The following TMEM233 variants were observed in gnomAD, a reference collection of about 807,000 sequenced individuals.
TMEM233 encodes transmembrane protein 233.
Under a neutral mutation model 11.2 loss-of-function variants are expected in TMEM233, and 6 were observed. The observed-to-expected ratio is 0.54, with a 90% confidence interval of 0.29 to 1.06. The LOEUF is 1.06. Among genes scored for constraint, TMEM233 ranks in the 50% least tolerant of loss-of-function variants. The probability of loss-of-function intolerance (pLI) is 0.08; values close to 1 mark genes in which losing one functional copy is unlikely to be tolerated. For missense variants in TMEM233, 127 were observed against 144.7 expected, an observed-to-expected ratio of 0.88 and a Z score of 0.63; for synonymous variants, 59 against 55.8, an observed-to-expected ratio of 1.06 and a Z score of -0.26.
At chr12:119,634,350 A>T (rs1469594500) in intron 2 of TMEM233, 3 of 845,428 alleles carry the variant, frequency 3.5e-6, no homozygotes, top group Non-Finnish European at 4.3e-6. Context: ...GGTGGCTCAC[A>T]CCTGTAATCC....
At chr12:119,624,817 A>C (rs952493827) in intron 1 of TMEM233, among the ~76,000 whole-genome samples, 2 of 152,210 alleles carry the variant, frequency 1.3e-5, no homozygotes, top group African/African-American at 4.8e-5. Context: ...TATACTTAAA[A>C]ATGATTAAAA....
intron 1 of TMEM233, among the ~76,000 whole-genome samples, chr12:119,615,790 G>T (rs938355644): frequency 6.6e-6 from 1 of 152,112 alleles, no homozygotes; most frequent in Non-Finnish European, 1.5e-5. Context: ...GGTGTGAAGT[G>T]TTATGAACTC....
Position 119,594,006 on chromosome 12 carries a change from A to G in TMEM233, c.158A>G (p.Asn53Ser), listed in dbSNP as rs1431738926. The change falls in exon 1 of 3, where the codon AAC (asparagine) becomes AGC (serine). Residue 53 changes from asparagine (N) to serine (S), a missense_variant. By Grantham distance (46) the Asn-to-Ser change is conservative. Transcript: ENST00000426426. This position sits in a 1 kb window ranked among gnomAD's most constrained non-coding sequence, Gnocchi z 5.6. ...TGTTTTTGCCCTGCGTACCCCATCAACATCGTGGCTTTGGTCTTTTCCATC... is the reference window on the plus strand; with the variant it reads ...TGTTTTTGCCCTGCGTACCCCATCAGCATCGTGGCTTTGGTCTTTTCCATC... ...VSCFCPAYPI[N>S]IVALVFSIMS... 1 of 1,551,586 alleles carries G rather than the reference A, an allele frequency of 6.4e-7. No individual in the cohort carries two copies.
At chr12:119,620,883 A>AT (rs756276215) in intron 1 of TMEM233, among the ~76,000 whole-genome samples, 1 of 152,018 alleles carries the variant, frequency 6.6e-6, no homozygotes, top group Non-Finnish European at 1.5e-5. Flanking sequence ...GTATTTTTAT[A>AT]TTTTTTATTT....
chr12:119,598,835 C>G (rs1593273958), intron 1 of TMEM233, among the ~76,000 whole-genome samples: 1 of 152,110 alleles, frequency 6.6e-6, no homozygotes, highest in African/African-American at 2.4e-5. Flanking sequence ...AGTATTTACC[C>G]AAGTGCAATT....
intron 1 of TMEM233, among the ~76,000 whole-genome samples, chr12:119,613,829 A>G (rs966825849): frequency 6.6e-6 from 1 of 152,128 alleles, no homozygotes; most frequent in African/African-American, 2.4e-5. Flanking sequence ...AGAGATGAGG[A>G]GGCCTGAGAA....
At chr12:119,607,603 ATT>A (rs35498864) in intron 1 of TMEM233, among the ~76,000 whole-genome samples, 43 of 145,540 alleles carry the variant, frequency 3.0e-4, no homozygotes, top group African/African-American at 6.1e-4. Context: ...ATTAGATGCA[ATT>A]TTTTTTTTTT....
chr12:119,614,119 T>C (rs1593289416), intron 1 of TMEM233, among the ~76,000 whole-genome samples: 1 of 151,932 alleles, frequency 6.6e-6, no homozygotes, highest in Admixed American at 6.6e-5. Context: ...GGAAGCACAA[T>C]GTTCGAATCC....
intron 1 of TMEM233, among the ~76,000 whole-genome samples, chr12:119,612,416 A>C (rs1954418040): frequency 6.6e-6 from 1 of 152,090 alleles, no homozygotes; most frequent in Non-Finnish European, 1.5e-5. Context: ...GGAGTTCCAG[A>C]CCAGCCTGGG....
At chr12:119,638,753 A>G (rs1418441387) in intron 2 of TMEM233, among the ~76,000 whole-genome samples, 2 of 152,068 alleles carry the variant, frequency 1.3e-5, no homozygotes, top group Non-Finnish European at 2.9e-5. Flanking sequence ...ACATGAAGAC[A>G]GGGCCAGGTG....
chr12:119,600,974 T>C (rs902809853), intron 1 of TMEM233, among the ~76,000 whole-genome samples: 6 of 151,844 alleles, frequency 4.0e-5, no homozygotes, highest in Admixed American at 3.3e-4. Flanking sequence ...CAATAAAAAA[T>C]AAAGGAGGAA....
In TMEM233 at chr12:119,640,875, T is replaced by C. The variant is rs1005413092; in HGVS notation, c.*170T>C. On this transcript the variant is annotated 3_prime_UTR_variant, in exon 3 of 3. Coordinates refer to ENST00000426426, the MANE Select transcript of TMEM233 (RefSeq NM_001136534.3). Reference sequence around the variant, plus strand: ...GAACAAGAAAAAAAAAAAAAAAAAGTCCAAAATTTAGGCAATCCAAGCTGC... The same window carrying C: ...GAACAAGAAAAAAAAAAAAAAAAAGCCCAAAATTTAGGCAATCCAAGCTGC... 25 of 570,922 alleles carry C rather than the reference T, an allele frequency of 4.4e-5. 1 individual carries two copies. Among genetic ancestry groups the C allele is most frequent in the Middle Eastern group, 4.9e-4 (1 of 2,056 alleles). 35.4% of individuals were successfully genotyped at this position (570,922 alleles called of 1,614,324 possible). A position where few individuals can be genotyped will look rare whatever the true frequency, so the allele number is the denominator to read the frequency against.
At chr12:119,610,242 A>G (rs1472377408) in intron 1 of TMEM233, among the ~76,000 whole-genome samples, 3 of 152,210 alleles carry the variant, frequency 2.0e-5, no homozygotes, top group Non-Finnish European at 2.9e-5. Context: ...TATTTACCCA[A>G]TGCCTGTACT....
At chr12:119,633,879 A>T (rs1313156753) in intron 2 of TMEM233, among the ~76,000 whole-genome samples, 1 of 152,148 alleles carries the variant, frequency 6.6e-6, no homozygotes, top group African/African-American at 2.4e-5. Context: ...GAGAGGTTTT[A>T]AAAAAGTTAG....
At chr12:119,605,371 C>A (rs577672116) in intron 1 of TMEM233, among the ~76,000 whole-genome samples, 1 of 149,550 alleles carries the variant, frequency 6.7e-6, no homozygotes, top group Non-Finnish European at 1.5e-5. Flanking sequence ...ACAGTCCTTA[C>A]CCCCATGAAG....
chr12:119,624,884 G>A (rs748813248), intron 1 of TMEM233, among the ~76,000 whole-genome samples: 1 of 152,072 alleles, frequency 6.6e-6, no homozygotes, highest in Admixed American at 6.6e-5. Flanking sequence ...AAAAACATGT[G>A]CCACCTGGTC....
intron 2 of TMEM233, among the ~76,000 whole-genome samples, chr12:119,631,892 G>T (rs1474062593): frequency 1.3e-5 from 2 of 152,012 alleles, no homozygotes; most frequent in East Asian, 3.8e-4. Context: ...TTCTTTAGTG[G>T]GTGCACAAAA....
Position 119,594,357 on chromosome 12 carries a change from C to G in TMEM233, c.186+323C>G. ...TCTTCCGTGGACTTTGCTGACTCCTCTGACCTTCCTAGGCACTTGCCCGGG... is the reference window on the plus strand; with the variant it reads ...TCTTCCGTGGACTTTGCTGACTCCTGTGACCTTCCTAGGCACTTGCCCGGG... On this transcript the variant is annotated intron_variant, in intron 1 of 2. Coordinates refer to ENST00000426426, the MANE Select transcript of TMEM233 (RefSeq NM_001136534.3). This position sits in a 1 kb window ranked among gnomAD's most constrained non-coding sequence, Gnocchi z 5.6. The G allele has an allele frequency of 3.3e-6, 1 of 307,036 alleles. No individual in the cohort carries two copies. Among genetic ancestry groups the G allele is most frequent in the South Asian group, 5.1e-5 (1 of 19,504 alleles). 19.0% of individuals were successfully genotyped at this position (307,036 alleles called of 1,614,324 possible).
intron 1 of TMEM233, among the ~76,000 whole-genome samples, chr12:119,629,043 T>C (rs949271131): frequency 6.6e-6 from 1 of 152,396 alleles, no homozygotes. Flanking sequence ...CATACTCATT[T>C]GTGTTTTTAT....
Sources: allele counts gnomAD v4.1 joint callset (sites outside exome capture counted in the v4.1 genomes callset), GRCh38; gene constraint gnomAD v4.1.1; non-coding constraint Gnocchi (gnomAD v3.1); transcripts MANE v1.5; gene names NCBI Gene and HGNC (gene_info 2026-07-23, HGNC 2026-07-21).